The following MACROD2 variants were observed in gnomAD, a reference collection of about 807,000 sequenced individuals.
MACROD2 encodes mono-ADP ribosylhydrolase 2.
MACROD2 carries 36 observed loss-of-function variants against 70.4 expected under a neutral mutation model. That is an observed-to-expected ratio of 0.51 (90% CI 0.39 to 0.68). MACROD2 has a LOEUF of 0.68. MACROD2 is among the 30% of genes least tolerant of loss of function. The probability of loss-of-function intolerance (pLI) is 0.00; values close to 1 mark genes in which losing one functional copy is unlikely to be tolerated. For missense variants in MACROD2, 496 were observed against 538.4 expected, an observed-to-expected ratio of 0.92 and a Z score of 0.78; for synonymous variants, 172 against 178.8, an observed-to-expected ratio of 0.96 and a Z score of 0.30.
intron 12 of MACROD2, among the ~76,000 whole-genome samples, chr20:15,939,517 C>A (rs1555797900): frequency 2.0e-5 from 3 of 151,404 alleles, no homozygotes; most frequent in Non-Finnish European, 4.4e-5. Flanking sequence ...ACCTACTGCT[C>A]AAAAAAAATG....
At chr20:15,373,823 T>G (rs1242815503) in intron 6 of MACROD2, among the ~76,000 whole-genome samples, 2 of 152,198 alleles carry the variant, frequency 1.3e-5, no homozygotes, top group African/African-American at 2.4e-5. Context: ...CCACAAACAT[T>G]GTATATTTAT....
chr20:15,824,544 C>A (rs1011476747), intron 8 of MACROD2, among the ~76,000 whole-genome samples: 2 of 152,128 alleles, frequency 1.3e-5, no homozygotes, highest in African/African-American at 4.8e-5. Flanking sequence ...CTGTGAAGTT[C>A]ACTGCATGGT....
intron 8 of MACROD2, among the ~76,000 whole-genome samples, chr20:15,756,763 T>C (rs1178534526): frequency 6.6e-6 from 1 of 152,196 alleles, no homozygotes; most frequent in Admixed American, 6.5e-5. Context: ...AAGTTAGAAA[T>C]GTTTAATGTC....
At chr20:15,865,546 G>T (rs2064480539) in intron 9 of MACROD2, among the ~76,000 whole-genome samples, 1 of 152,100 alleles carries the variant, frequency 6.6e-6, no homozygotes, top group Non-Finnish European at 1.5e-5. Flanking sequence ...CATTGTTAGG[G>T]TTTTTTCTAA....
At chr20:14,589,066 A>G (rs1031216462) in intron 4 of MACROD2, among the ~76,000 whole-genome samples, 1 of 152,172 alleles carries the variant, frequency 6.6e-6, no homozygotes, top group Non-Finnish European at 1.5e-5. Context: ...TCTGTATTTG[A>G]AATCCCAATT....
At chr20:15,677,842 G>T (rs1432117378) in intron 8 of MACROD2, among the ~76,000 whole-genome samples, 3 of 152,172 alleles carry the variant, frequency 2.0e-5, no homozygotes, top group Non-Finnish European at 4.4e-5. Context: ...GCCGAGGCAG[G>T]TGGATCATGA....
At chr20:15,016,334 A>G (rs574201244) in intron 5 of MACROD2, among the ~76,000 whole-genome samples, 3 of 152,264 alleles carry the variant, frequency 2.0e-5, no homozygotes, top group East Asian at 3.9e-4. Flanking sequence ...CTTTCTTTCT[A>G]AAACTGTCCC....
intron 2 of MACROD2, among the ~76,000 whole-genome samples, chr20:14,082,180 T>TTTC (rs1555916951): frequency 4.0e-5 from 5 of 125,522 alleles, no homozygotes; most frequent in African/African-American, 1.3e-4. Flanking sequence ...TTTTTTTCTT[T>TTTC]TTTTTTTTTT....
intron 5 of MACROD2, among the ~76,000 whole-genome samples, chr20:15,154,159 T>A (rs1203831289): frequency 1.3e-5 from 2 of 152,170 alleles, no homozygotes; most frequent in African/African-American, 4.8e-5. Context: ...CTAGCAGCGA[T>A]ATTTCTTCAG....
At chr20:14,923,151 G>A (rs117059993) in intron 5 of MACROD2, among the ~76,000 whole-genome samples, 1,795 of 152,112 alleles carry the variant, frequency 0.012, 15 homozygotes, top group Middle Eastern at 0.02. Flanking sequence ...CTCCAACCTC[G>A]CTGGCTGTTT....
chr20:14,723,138 T>C (rs1385372129), intron 5 of MACROD2, among the ~76,000 whole-genome samples: 1 of 152,092 alleles, frequency 6.6e-6, no homozygotes, highest in Non-Finnish European at 1.5e-5. Flanking sequence ...TACACAAAAA[T>C]ATGTATTTTG....
At chr20:15,251,251 A>T (rs988847900) in intron 6 of MACROD2, among the ~76,000 whole-genome samples, 2 of 152,192 alleles carry the variant, frequency 1.3e-5, no homozygotes, top group Non-Finnish European at 2.9e-5. Context: ...TGCCACTGAG[A>T]AGCTGCCATG....
intron 8 of MACROD2, among the ~76,000 whole-genome samples, chr20:15,858,054 TTAAAAATAAATTC>T (rs2064377589): frequency 6.6e-6 from 1 of 152,034 alleles, no homozygotes; most frequent in South Asian, 2.1e-4. Context: ...ATTTAAAACA[TTAAAAATAAATTC>T]TAAAAAAGAA....
intron 17 of MACROD2, among the ~76,000 whole-genome samples, chr20:16,047,361 G>C (rs1201926873): frequency 6.6e-6 from 1 of 152,156 alleles, no homozygotes; most frequent in Non-Finnish European, 1.5e-5. Context: ...ATAGCATAAG[G>C]ATACAACAGG....
intron 3 of MACROD2, among the ~76,000 whole-genome samples, chr20:14,434,275 C>T (rs2084030180): frequency 6.6e-6 from 1 of 152,152 alleles, no homozygotes; most frequent in African/African-American, 2.4e-5. Flanking sequence ...AATGAGTTAT[C>T]AAATCAAATG....
chr20:15,083,843 G>C (rs2075724043), intron 5 of MACROD2, among the ~76,000 whole-genome samples: 1 of 151,976 alleles, frequency 6.6e-6, no homozygotes, highest in African/African-American at 2.4e-5. Flanking sequence ...TTCTTCCTTT[G>C]ACTATTCAAA....
intron 5 of MACROD2, among the ~76,000 whole-genome samples, chr20:14,744,288 C>A (rs751851639): frequency 6.6e-6 from 1 of 152,050 alleles, no homozygotes; most frequent in Non-Finnish European, 1.5e-5. Context: ...ATCATAGAAG[C>A]TATGTTTTCA....
intron 5 of MACROD2, among the ~76,000 whole-genome samples, chr20:14,764,949 C>G (rs1276035391): frequency 6.6e-6 from 1 of 152,072 alleles, no homozygotes; most frequent in Non-Finnish European, 1.5e-5. Flanking sequence ...AACTATACTG[C>G]TTGGCAGAGT....
chr20:14,221,717 T>C (rs546849359), intron 3 of MACROD2, among the ~76,000 whole-genome samples: 9 of 152,132 alleles, frequency 5.9e-5, no homozygotes, highest in Admixed American at 2.6e-4. Context: ...TGAGAGAAAG[T>C]ATTTGCAAAC....
Sources: gnomAD v4.1 joint callset for allele counts (sites outside exome capture counted in the v4.1 genomes callset) on GRCh38, gnomAD v4.1.1 for gene constraint, MANE v1.5 for transcripts, NCBI Gene and HGNC (gene_info 2026-07-23, HGNC 2026-07-21) for gene names.